SMC2: variants seen among roughly 807,000 people sequenced by gnomAD.
The protein encoded by SMC2 is structural maintenance of chromosomes protein 2.
A neutral mutation model predicts 142.6 loss-of-function variants in SMC2; 41 were observed. The ratio of observed to expected loss-of-function variants is 0.29; its 90% CI spans 0.22 to 0.37. SMC2 has a LOEUF of 0.37. Among genes scored for constraint, SMC2 ranks in the 10% least tolerant of loss-of-function variants. The pLI, the probability that SMC2 is intolerant of heterozygous loss-of-function variation, is 1.00. For missense variants in SMC2, 1,265 were observed against 1,373.7 expected (o/e 0.92, Z 1.25); for synonymous variants, 463 against 457.5 (o/e 1.01, Z -0.15).
Position 104,139,244 on chromosome 9 carries a change from C to G in SMC2, c.3523C>G (p.Gln1175Glu), listed in dbSNP as rs761457668. The change falls in exon 25 of 25, where the codon CAA becomes GAA. Residue 1175 changes from glutamine to glutamate, a missense_variant. By Grantham distance (29) the Gln-to-Glu change is conservative (BLOSUM62 2). Transcript: ENST00000374793. The part of the protein sequence containing the change: ...VSTVARFTQC[Q>E]NGKISKEAKS... ...TACAGTAGCCAGATTTACTCAATGT[C>G]AAAATGGAAAGATTTCAAAGGAAGC... 3 of 1,600,614 alleles carry G rather than the reference C, an allele frequency of 1.9e-6. No homozygotes were observed. In the Admixed American group the frequency reaches 5.3e-5, roughly 28 times the overall value.
intron 24 of SMC2, 146 bp downstream of exon 24, chr9:104,138,311 T>A: frequency 1.6e-6 from 1 of 614,290 alleles, no homozygotes; most frequent in Non-Finnish European, 2.5e-6. Flanking sequence ...GACTTATGTT[T>A]AAATAGGTAT....
upstream of SMC2, chr9:104,092,248 G>A (rs552932082): frequency 6.6e-6 from 1 of 152,256 alleles, no homozygotes; most frequent in South Asian, 2.1e-4. Flanking sequence ...TTTAATCAAT[G>A]GTCTTAATGG....
Position 104,111,647 on chromosome 9 carries a change from C to A in SMC2, c.1087C>A (p.Gln363Lys). ...GATAACAGATGGACTGCATGCCCTT[C>A]AAGAAGCAAGTAATAAAGATGCTGA... ...KKITDGLHAL[Q>K]EASNKDAEAL... Residue 363 changes from glutamine (Q) to lysine (K), a missense_variant, in exon 10 of 25, where the codon CAA (glutamine) becomes AAA (lysine). Around this residue, in one of 4 missense-constraint regions of SMC2, gnomAD observed 898 missense variants for 904.2 expected, o/e 0.99. Coordinates refer to ENST00000374793, the MANE Select transcript of SMC2 (RefSeq NM_006444.3). The A allele has an allele frequency of 6.2e-7, 1 of 1,614,050 alleles. No homozygotes were observed. Among genetic ancestry groups the A allele is most frequent in the Non-Finnish European group, 8.5e-7 (1 of 1,179,928 alleles).
At chr9:104,127,578 T>C in intron 20 of SMC2, 98 bp downstream of exon 20, 1 of 835,700 alleles carries the variant, frequency 1.2e-6, no homozygotes, top group East Asian at 3.0e-5. Flanking sequence ...TCTATAAATA[T>C]AAATGGCAAA....
chr9:104,115,172 CTTA>C (rs1176469375), intron 13 of SMC2, among the ~76,000 whole-genome samples: 4 of 151,964 alleles, frequency 2.6e-5, no homozygotes, highest in East Asian at 3.9e-4. Flanking sequence ...TCAGTTCTCA[CTTA>C]TTATCCTTCT....
chr9:104,094,983 G>A, intron 1 of SMC2: 1 of 196,446 alleles, frequency 5.1e-6, no homozygotes, highest in Non-Finnish European at 1.1e-5. Flanking sequence ...TAGAGAGTAA[G>A]CTATGTCAGT....
intron 16 of SMC2, 44 bp from the exon 17 acceptor site, chr9:104,123,064 C>T: frequency 6.4e-7 from 1 of 1,571,962 alleles, no homozygotes; most frequent in Non-Finnish European, 8.6e-7. Flanking sequence ...TCTCAAATAC[C>T]AGAAAAATGA....
intron 18 of SMC2, among the ~76,000 whole-genome samples, chr9:104,126,370 A>T (rs1038840233): frequency 6.6e-6 from 1 of 152,180 alleles, no homozygotes; most frequent in Non-Finnish European, 1.5e-5. Flanking sequence ...AGAATGTTAT[A>T]TTATTTTCCC....
rs1365391351 is a variant in SMC2 at position 104,118,366 on chromosome 9, T to C, written c.1987T>C (p.Leu663=). The change falls in exon 15 of 25, where the codon TTG becomes CTG. Residue 663 remains leucine (L), a synonymous_variant. Coordinates refer to ENST00000374793, the MANE Select transcript of SMC2 (RefSeq NM_006444.3). ...GGDVFDPHGT[L]SGGARSQAAS... ...TGATGTGTTTGATCCTCATGGGACA[T>C]TGAGTGGAGGTAAGTTTTATATCCT... 1 of 1,612,394 alleles carries C rather than the reference T, an allele frequency of 6.2e-7. No individual in the cohort carries two copies. Among genetic ancestry groups the C allele is most frequent in the Non-Finnish European group, 8.5e-7 (1 of 1,179,000 alleles).
chr9:104,108,545 C>T (rs1429824796), intron 9 of SMC2, among the ~76,000 whole-genome samples: 1 of 152,170 alleles, frequency 6.6e-6, no homozygotes, highest in East Asian at 1.9e-4. Flanking sequence ...CATCTGACTA[C>T]CCACTTCCCG....
chr9:104,126,725 G>C lies in SMC2; in HGVS notation c.2536G>C (p.Ala846Pro), dbSNP rs1421551829. The C allele has an allele frequency of 6.2e-7, 1 of 1,613,042 alleles. No individual in the cohort carries two copies. The highest frequency in any genetic ancestry group is 2.2e-5 in the East Asian group (1 of 44,854). ...ACAACAGCTTGAAGCTGTAAATGAAGCTATCAAATCCTATGAAAGTCAGAT... is the reference window on the plus strand; with the variant it reads ...ACAACAGCTTGAAGCTGTAAATGAACCTATCAAATCCTATGAAAGTCAGAT... The part of the protein sequence containing the change: ...YKQQLEAVNE[A>P]IKSYESQIEV... Residue 846 changes from alanine (A) to proline (P), a missense_variant, in exon 19 of 25, where the codon GCT (alanine) becomes CCT (proline). Ala to Pro is a conservative substitution (Grantham distance 27). Transcript: ENST00000374793.
rs755898568 is a variant in SMC2 at position 104,111,610 on chromosome 9, A to G, written c.1050A>G (p.Lys350=). The G allele has an allele frequency of 2.5e-6, 4 of 1,613,564 alleles. No homozygotes were observed. In the South Asian group the frequency reaches 4.4e-5, roughly 18 times the overall value. The change falls in exon 10 of 25, where the codon AAA becomes AAG. Residue 350 remains lysine, a synonymous_variant. Coordinates refer to ENST00000374793, the MANE Select transcript of SMC2 (RefSeq NM_006444.3). The part of the protein sequence containing the change: ...EDSKTLAAKE[K]EVKKITDGLH... ...CAAAAACTTTAGCAGCAAAGGAAAA[A>G]GAGGTTAAAAAGATAACAGATGGAC...
intron 23 of SMC2, among the ~76,000 whole-genome samples, chr9:104,135,257 A>G (rs576418512): frequency 7.8e-6 from 1 of 128,910 alleles, no homozygotes; most frequent in Non-Finnish European, 1.7e-5. Context: ...ACATGAACAT[A>G]ATGAGAGAAA....
upstream of SMC2, among the ~76,000 whole-genome samples, chr9:104,093,673 C>G (rs1301166268): frequency 1.3e-5 from 2 of 152,166 alleles, no homozygotes; most frequent in East Asian, 3.9e-4. Flanking sequence ...ACAATTTCTC[C>G]TCTGGGCTCG....
In SMC2 at chr9:104,102,587, A is replaced by G; in HGVS notation, c.1020+14A>G. 1.9e-6 allele frequency: 3 copies of G among 1,609,636 alleles called. No homozygotes were observed. Among genetic ancestry groups the G allele is most frequent in the Non-Finnish European group, 2.5e-6 (3 of 1,178,038 alleles). On this transcript the variant is annotated intron_variant, in intron 9 of 24. Transcript: ENST00000374793. ...AATATGGTTGAGGTAAGTGAGCTTA[A>G]TGTGCCACTAGTGCCACTTGTAGAC...
At chr9:104,120,271 G>T in intron 16 of SMC2, 109 bp downstream of exon 16, 1 of 1,092,472 alleles carries the variant, frequency 9.2e-7, no homozygotes, top group Non-Finnish European at 1.3e-6. Context: ...CATATTTTTG[G>T]TTTTATTTAA....
chr9:104,135,885 A>T (rs748322750), intron 23 of SMC2: 1 of 518,836 alleles, frequency 1.9e-6, no homozygotes, highest in South Asian at 1.4e-5. Context: ...CAGCAGAACC[A>T]TACTACAGGT....
chr9:104,101,894 T>A, intron 7 of SMC2, 66 bp from the exon 8 acceptor site: 1 of 965,416 alleles, frequency 1.0e-6, no homozygotes, highest in Non-Finnish European at 1.6e-6. Flanking sequence ...TTGTTTCATC[T>A]TGCATAATTG....
intron 7 of SMC2, among the ~76,000 whole-genome samples, chr9:104,100,945 G>A (rs1172470093): frequency 6.6e-6 from 1 of 152,114 alleles, no homozygotes; most frequent in Non-Finnish European, 1.5e-5. Flanking sequence ...TATGAGCTAC[G>A]TTTTCTTTTT....
Sources: allele counts gnomAD v4.1 joint callset (sites outside exome capture counted in the v4.1 genomes callset), GRCh38; gene constraint gnomAD v4.1.1; regional missense constraint gnomAD v4.1.1; transcripts MANE v1.5; gene names NCBI Gene and HGNC (gene_info 2026-07-23, HGNC 2026-07-21).